TRIM71: variants seen among roughly 807,000 people sequenced by gnomAD.
TRIM71 encodes the protein E3 ubiquitin-protein ligase TRIM71.
In TRIM71, 9 loss-of-function variants were observed where a neutral mutation model predicts 61.2. The ratio of observed to expected loss-of-function variants is 0.15; its 90% CI spans 0.09 to 0.26. The LOEUF is 0.26. Among genes scored for constraint, TRIM71 ranks in the 10% least tolerant of loss-of-function variants. TRIM71 has a pLI of 1.00. For missense variants in TRIM71, 998 were observed against 1,238.7 expected (o/e 0.81, Z 2.92); for synonymous variants, 645 against 553.2 (o/e 1.17, Z -2.33).
At chr3:32,832,052 T>C (rs1280460463) in intron 1 of TRIM71, among the ~76,000 whole-genome samples, 1 of 152,074 alleles carries the variant, frequency 6.6e-6, no homozygotes, top group African/African-American at 2.4e-5. Flanking sequence ...AGTCTTGTGG[T>C]TTGACTGTTT....
intron 3 of TRIM71, among the ~76,000 whole-genome samples, chr3:32,888,529 C>T (rs995595982): frequency 2.1e-5 from 3 of 142,948 alleles, no homozygotes; most frequent in East Asian, 4.4e-4. Context: ...AATCCTTTTG[C>T]GGTTTGTTGT....
chr3:32,863,443 T>C (rs1259862534), intron 1 of TRIM71, among the ~76,000 whole-genome samples: 1 of 152,092 alleles, frequency 6.6e-6, no homozygotes, highest in African/African-American at 2.4e-5. Context: ...GATTTATATA[T>C]ACCTGTGTAA....
chr3:32,877,140 A>G (rs553677839), intron 2 of TRIM71, among the ~76,000 whole-genome samples: 38 of 152,130 alleles, frequency 2.5e-4, no homozygotes, highest in South Asian at 4.1e-4. Flanking sequence ...GTCTTGCTCT[A>G]TCGCCCAGGC....
chr3:32,853,445 C>T lies in TRIM71; in HGVS notation c.853-20373C>T, dbSNP rs905266735. 5.9e-5 allele frequency among the ~76,000 whole-genome samples: 9 copies of T among 152,074 alleles called. No individual in the cohort carries two copies. The South Asian group carries it at 6.2e-4, about 11-fold the overall frequency. The stretch of plus-strand genomic sequence containing the variant: ...ATATCTCATTCTTTTTAATGGTTGC[C>T]CTGGAATCAATTTATTTAACCATTA... On this transcript the variant is annotated intron_variant, in intron 1 of 3. Transcript: ENST00000383763.
chr3:32,853,740 C>T (rs1404187294), intron 1 of TRIM71, among the ~76,000 whole-genome samples: 1 of 152,150 alleles, frequency 6.6e-6, no homozygotes, highest in Non-Finnish European at 1.5e-5. Flanking sequence ...GGTGCGGTGG[C>T]TCACGCCTGT....
At chr3:32,884,534 C>G (rs1696939973) in intron 2 of TRIM71, among the ~76,000 whole-genome samples, 1 of 49,774 alleles carries the variant, frequency 2.0e-5, no homozygotes. Flanking sequence ...TCCCCCATCT[C>G]TATTTGAAAA....
Position 32,897,808 on chromosome 3 carries a change from G to A in TRIM71, c.*5997G>A, listed in dbSNP as rs969472049. On this transcript the variant is annotated 3_prime_UTR_variant, in exon 4 of 4. Coordinates refer to ENST00000383763, the MANE Select transcript of TRIM71 (RefSeq NM_001039111.3). ...TTTATTTTTGTTTAATCAAATAAAC[G>A]AGGGTTTTTCCATGGCTACAGTGTG... 2.4e-4 allele frequency: 37 copies of A among 152,182 alleles called. No homozygotes were observed. The highest frequency in any genetic ancestry group is 8.2e-4 in the African/African-American group (34 of 41,518). The allele number at this position is 152,182 out of a possible 1,614,324, so 9.4% of individuals were successfully genotyped here. A position where few individuals can be genotyped will look rare whatever the true frequency, so the allele number is the denominator to read the frequency against.
intron 1 of TRIM71, among the ~76,000 whole-genome samples, chr3:32,873,362 A>G (rs185404077): frequency 9.3e-4 from 141 of 152,268 alleles, no homozygotes; most frequent in African/African-American, 3.2e-3. Flanking sequence ...CTTGCTTCAC[A>G]CATCTAGGCT....
At chr3:32,854,745 CTAACCACCCACTTAA>C (rs1220567256) in intron 1 of TRIM71, among the ~76,000 whole-genome samples, 22 of 152,220 alleles carry the variant, frequency 1.4e-4, no homozygotes, top group Non-Finnish European at 2.9e-5. Context: ...GGATACAGTG[CTAACCACCCACTTAA>C]ATAGAGCTAT....
At chr3:32,869,132 A>T (rs1170451867) in intron 1 of TRIM71, among the ~76,000 whole-genome samples, 2 of 152,218 alleles carry the variant, frequency 1.3e-5, no homozygotes, top group Non-Finnish European at 2.9e-5. Context: ...TAGCACACAC[A>T]GGTAAGGCTT....
chr3:32,823,869 C>G (rs994589253), intron 1 of TRIM71, among the ~76,000 whole-genome samples: 9 of 152,126 alleles, frequency 5.9e-5, no homozygotes, highest in Non-Finnish European at 1.5e-5. Flanking sequence ...GTCAAGAGAT[C>G]GAGACCATCC....
chr3:32,844,576 T>C (rs1319416084), intron 1 of TRIM71, among the ~76,000 whole-genome samples: 1 of 152,152 alleles, frequency 6.6e-6, no homozygotes, highest in East Asian at 1.9e-4. Flanking sequence ...TTAAAAAATT[T>C]TGTAGAGAGC....
At chr3:32,873,339 A>G (rs193244916) in intron 1 of TRIM71, among the ~76,000 whole-genome samples, 238 of 152,276 alleles carry the variant, frequency 1.6e-3, no homozygotes, top group African/African-American at 5.3e-3. Flanking sequence ...GATGGTTGTT[A>G]CTGGCTCTTA....
rs768760569 is a variant in TRIM71 at position 32,818,356 on chromosome 3, C to T, written c.276C>T (p.Pro92=). Residue 92 remains proline, a synonymous_variant, in exon 1 of 4, where the codon CCC becomes CCT. Transcript: ENST00000383763. ...GAGAGCCGCTCAAGCTGCGCTGCCCCGTGTGCGACCAGAAAGTAGTGCTAG... is the reference window on the plus strand; with the variant it reads ...GAGAGCCGCTCAAGCTGCGCTGCCCTGTGTGCGACCAGAAAGTAGTGCTAG... ...AAGEPLKLRC[P]VCDQKVVLAE... 9.5e-6 allele frequency: 14 copies of T among 1,477,102 alleles called. No individual in the cohort carries two copies. The highest frequency in any genetic ancestry group is 1.2e-5 in the Non-Finnish European group (13 of 1,119,182). The allele number at this position is 1,477,102 out of a possible 1,614,324, so 91.5% of individuals were successfully genotyped here. A position where few individuals can be genotyped will look rare whatever the true frequency, so the allele number is the denominator to read the frequency against.
chr3:32,833,302 T>G (rs940915806), intron 1 of TRIM71, among the ~76,000 whole-genome samples: 2 of 151,606 alleles, frequency 1.3e-5, no homozygotes, highest in Admixed American at 6.6e-5. Context: ...TCGTAATTTC[T>G]ATGAAAACTG....
At chr3:32,889,986 C>T (rs1697006905) in intron 3 of TRIM71, among the ~76,000 whole-genome samples, 1 of 152,110 alleles carries the variant, frequency 6.6e-6, no homozygotes, top group Admixed American at 6.6e-5. Context: ...TACCCCTAAT[C>T]ACATTACAAT....
chr3:32,895,187 G>A lies in TRIM71; in HGVS notation c.*3376G>A, dbSNP rs1697065381. 6.6e-6 allele frequency: 1 copy of A among 152,190 alleles called. No homozygotes were observed. The highest frequency in any genetic ancestry group is 1.5e-5 in the Non-Finnish European group (1 of 68,030). 9.4% of individuals were successfully genotyped at this position (152,190 alleles called of 1,614,324 possible). On this transcript the variant is annotated 3_prime_UTR_variant, in exon 4 of 4. Coordinates refer to ENST00000383763, the MANE Select transcript of TRIM71 (RefSeq NM_001039111.3). ...GTCTCAGAACATGTGCCCTGTTGTG[G>A]CTGCAAGTGGCACTCAAGTTGACTA...
intron 1 of TRIM71, among the ~76,000 whole-genome samples, chr3:32,873,404 C>T (rs1696819449): frequency 6.6e-6 from 1 of 152,188 alleles, no homozygotes. Flanking sequence ...CTGGTACATT[C>T]TTACATCCAG....
intron 3 of TRIM71, among the ~76,000 whole-genome samples, chr3:32,887,208 C>T (rs1696970375): frequency 1.3e-5 from 2 of 152,188 alleles, no homozygotes; most frequent in South Asian, 2.1e-4. Flanking sequence ...GGGTTTCTGC[C>T]GCTTTCACCT....
Sources: allele counts gnomAD v4.1 joint callset (sites outside exome capture counted in the v4.1 genomes callset), GRCh38; gene constraint gnomAD v4.1.1; transcripts MANE v1.5; gene names NCBI Gene and HGNC (gene_info 2026-07-23, HGNC 2026-07-21).